NLRP7: variants seen among roughly 807,000 people sequenced by gnomAD.
NLRP7 encodes the protein NACHT, LRR and PYD domains-containing protein 7.
In NLRP7, 72 loss-of-function variants were observed where a neutral mutation model predicts 85.5. The ratio of observed to expected loss-of-function variants is 0.84; its 90% confidence interval spans 0.70 to 1.02. NLRP7 has a LOEUF of 1.02. Ranked by LOEUF, NLRP7 falls within the 50% of genes least tolerant of loss-of-function variation. The pLI, the probability that NLRP7 is intolerant of heterozygous loss-of-function variation, is 0.00. For synonymous variants in NLRP7, 550 were observed against 505.2 expected, an observed-to-expected ratio of 1.09 and a Z score of -1.19; for missense variants, 1,243 against 1,219.5, an observed-to-expected ratio of 1.02 and a Z score of -0.29.
upstream of NLRP7, among the ~76,000 whole-genome samples, chr19:54,948,382 C>CAAAAA: frequency 6.6e-6 from 1 of 151,528 alleles, no homozygotes; most frequent in Non-Finnish European, 1.5e-5. Flanking sequence ...AAGACTGTCT[C>CAAAAA]AAAAACAAAA....
intron 1 of NLRP7, among the ~76,000 whole-genome samples, chr19:54,952,591 C>T (rs1162309942): frequency 6.7e-6 from 1 of 148,926 alleles, no homozygotes; most frequent in African/African-American, 2.5e-5. Flanking sequence ...AAAACTCCAT[C>T]TCAAAAAAAA....
intron 8 of NLRP7, among the ~76,000 whole-genome samples, chr19:54,931,400 C>T (rs1198276335): frequency 1.3e-5 from 2 of 151,928 alleles, no homozygotes; most frequent in African/African-American, 2.4e-5. Context: ...TTACTAAATA[C>T]AAAAATTAGC....
At chr19:54,925,553 C>T (rs868460933) in intron 9 of NLRP7, among the ~76,000 whole-genome samples, 1 of 152,160 alleles carries the variant, frequency 6.6e-6, no homozygotes, top group Non-Finnish European at 1.5e-5. Flanking sequence ...CGCCTGCAAT[C>T]CGGGTACTTT....
intron 4 of NLRP7, 80 bp from the exon 5 acceptor site, chr19:54,938,321 CA>C (rs1252918566): frequency 2.8e-5 from 31 of 1,110,204 alleles, no homozygotes; most frequent in Non-Finnish European, 4.0e-5. Flanking sequence ...ATTTCAATGG[CA>C]AAAACCACAA....
exon 6 of NLRP7, chr19:54,936,323 G>A: frequency 6.2e-7 from 1 of 1,614,030 alleles, no homozygotes; most frequent in South Asian, 1.1e-5. Context: ...GCATCATCGT[G>A]CGTTCCCACT....
intron 1 of NLRP7, among the ~76,000 whole-genome samples, chr19:54,959,052 C>A (rs1280082656): frequency 2.6e-5 from 4 of 152,046 alleles, no homozygotes; most frequent in Admixed American, 6.6e-5. Flanking sequence ...GCCAGGCAGG[C>A]CCAGGCCTGG....
At chr19:54,931,845 A>T (rs2068694037) in intron 8 of NLRP7, among the ~76,000 whole-genome samples, 1 of 108,040 alleles carries the variant, frequency 9.3e-6, no homozygotes, top group Admixed American at 9.1e-5. Context: ...AGAGACTGTT[A>T]AAAAAAAAAA....
intron 1 of NLRP7, among the ~76,000 whole-genome samples, chr19:54,959,937 AG>A (rs2069983791): frequency 6.6e-6 from 1 of 151,874 alleles, no homozygotes; most frequent in Admixed American, 6.6e-5. Context: ...CAATGTACAC[AG>A]AGACCCAAGG....
intron 5 of NLRP7, 37 bp downstream of exon 5, chr19:54,938,007 G>C (rs776921839): frequency 1.3e-5 from 19 of 1,508,500 alleles, no homozygotes; most frequent in Non-Finnish European, 1.7e-5. Flanking sequence ...CTTAGTCATC[G>C]TTCAGGGTCT....
chr19:54,929,837 G>A (rs138781273), intron 9 of NLRP7, among the ~76,000 whole-genome samples: 5 of 152,092 alleles, frequency 3.3e-5, no homozygotes, highest in East Asian at 1.9e-4. Flanking sequence ...GAAATTGGCC[G>A]GGCGTGGTGG....
At chr19:54,926,027 AAGAC>A (rs1300228340) in intron 9 of NLRP7, among the ~76,000 whole-genome samples, 1 of 151,654 alleles carries the variant, frequency 6.6e-6, no homozygotes, top group Non-Finnish European at 1.5e-5. Context: ...TTCAAAAAAA[AAGAC>A]AGACTCCGTC....
rs902861805 is a variant in NLRP7 at position 54,923,686 on chromosome 19, C to T, written c.*54G>A. On this transcript the variant is annotated 3_prime_UTR_variant, in exon 10 of 10. Coordinates refer to ENST00000340844, the Ensembl canonical transcript of NLRP7. Reference sequence around the variant, plus strand: ...CCTCTGACCTGCATTCATAAGACATCTTAGAGACCCGAATCCCGCTTCCTG... The same window carrying T: ...CCTCTGACCTGCATTCATAAGACATTTTAGAGACCCGAATCCCGCTTCCTG... 12 of 1,605,246 alleles carry T rather than the reference C, an allele frequency of 7.5e-6. No individual in the cohort carries two copies. In the African/African-American group the frequency reaches 1.3e-4, roughly 18 times the overall value.
chr19:54,966,193 C>T (rs2070387094), exon 1 of NLRP7: 1 of 151,542 alleles, frequency 6.6e-6, no homozygotes, highest in Admixed American at 6.6e-5. Flanking sequence ...TCTAGGCGTT[C>T]GTGCTTTGAA....
At chr19:54,958,029 A>C (rs1362528942) in intron 1 of NLRP7, among the ~76,000 whole-genome samples, 1 of 151,972 alleles carries the variant, frequency 6.6e-6, no homozygotes, top group Non-Finnish European at 1.5e-5. Context: ...TAGCCTGGCC[A>C]AGGTGGTGAG....
intron 1 of NLRP7, among the ~76,000 whole-genome samples, chr19:54,945,459 G>A (rs1376857420): frequency 6.6e-6 from 1 of 151,182 alleles, no homozygotes; most frequent in Non-Finnish European, 1.5e-5. Context: ...TAGTACAAAC[G>A]GGGTTTCACC....
intron 9 of NLRP7, among the ~76,000 whole-genome samples, chr19:54,925,299 T>G (rs2068383622): frequency 6.6e-6 from 1 of 152,164 alleles, no homozygotes; most frequent in Non-Finnish European, 1.5e-5. Flanking sequence ...AAGAGAAGCA[T>G]GACACTATTT....
chr19:54,933,624 C>A (rs765462517), exon 8 of NLRP7: 1 of 1,614,222 alleles, frequency 6.2e-7, no homozygotes, highest in Non-Finnish European at 8.5e-7. Context: ...AGAAACTTCA[C>A]CCCTGTATCC....
intron 1 of NLRP7, among the ~76,000 whole-genome samples, chr19:54,955,329 C>CA: frequency 6.6e-6 from 1 of 152,014 alleles, no homozygotes; most frequent in East Asian, 1.9e-4. Flanking sequence ...AACTCCGTCT[C>CA]AAAAATAAAT....
chr19:54,923,596 C>G, exon 10 of NLRP7: 1 of 960,936 alleles, frequency 1.0e-6, no homozygotes, highest in Non-Finnish European at 1.7e-6. Context: ...CAGAATCTCC[C>G]AAAAATAGTG....
Sources: gnomAD v4.1 joint callset for allele counts (sites outside exome capture counted in the v4.1 genomes callset) on GRCh38, gnomAD v4.1.1 for gene constraint, MANE v1.5 for transcripts, NCBI Gene and HGNC (gene_info 2026-07-23, HGNC 2026-07-21) for gene names.